CNBD1: variants seen among roughly 807,000 people sequenced by gnomAD.
CNBD1 encodes cyclic nucleotide-binding domain-containing protein 1.
A neutral mutation model predicts 54.4 loss-of-function variants in CNBD1; 71 were observed. The ratio of observed to expected loss-of-function variants is 1.30; its 90% CI spans 1.08 to 1.59. CNBD1 has a LOEUF of 1.59. Among genes scored for constraint, CNBD1 ranks in the 40% most tolerant of loss-of-function variants. The pLI, the probability that CNBD1 is intolerant of heterozygous loss-of-function variation, is 0.00. For missense variants in CNBD1, 659 were observed against 518.0 expected, an observed-to-expected ratio of 1.27 and a Z score of -2.64; for synonymous variants, 182 against 170.7, an observed-to-expected ratio of 1.07 and a Z score of -0.51.
intron 8 of CNBD1, among the ~76,000 whole-genome samples, chr8:87,297,296 T>C (rs1362673892): frequency 2.0e-5 from 3 of 151,848 alleles, no homozygotes; most frequent in Non-Finnish European, 4.4e-5. Flanking sequence ...ATATTTTGTT[T>C]TCATATTAAG....
intron 3 of CNBD1, among the ~76,000 whole-genome samples, chr8:86,936,936 A>C (rs908392079): frequency 6.6e-6 from 1 of 152,212 alleles, no homozygotes; most frequent in East Asian, 1.9e-4. Flanking sequence ...TAGAAAATTT[A>C]TATAAACTCT....
chr8:87,078,698 C>T, intron 4 of CNBD1, among the ~76,000 whole-genome samples: 1 of 151,988 alleles, frequency 6.6e-6, no homozygotes, highest in East Asian at 1.9e-4. Context: ...TTAAGAGCAT[C>T]ACAGGAAAAG....
At chr8:87,160,039 T>C (rs1182486424) in intron 4 of CNBD1, among the ~76,000 whole-genome samples, 3 of 151,982 alleles carry the variant, frequency 2.0e-5, no homozygotes, top group Non-Finnish European at 1.5e-5. Flanking sequence ...AAAATGTCAT[T>C]CCTAGATATA....
chr8:87,134,812 T>A (rs1812193923), intron 4 of CNBD1, among the ~76,000 whole-genome samples: 1 of 151,666 alleles, frequency 6.6e-6, no homozygotes, highest in Non-Finnish European at 1.5e-5. Context: ...GGTTTCACTG[T>A]GTTAGCCAGG....
At chr8:87,302,123 C>A (rs1455920474) in intron 8 of CNBD1, among the ~76,000 whole-genome samples, 1 of 152,128 alleles carries the variant, frequency 6.6e-6, no homozygotes, top group Non-Finnish European at 1.5e-5. Flanking sequence ...AGGGAATCCT[C>A]CCTAACTCAT....
At chr8:87,311,560 G>T (rs1479142411) in intron 8 of CNBD1, among the ~76,000 whole-genome samples, 2 of 151,814 alleles carry the variant, frequency 1.3e-5, no homozygotes, top group African/African-American at 2.4e-5. Flanking sequence ...AAGAAAAAAT[G>T]GAACTACTAA....
intron 4 of CNBD1, among the ~76,000 whole-genome samples, 180 bp from the exon 5 acceptor site, chr8:87,205,813 G>T (rs995055101): frequency 2.0e-5 from 3 of 151,918 alleles, no homozygotes; most frequent in Admixed American, 6.6e-5. Flanking sequence ...TCTTAATGTC[G>T]GAAGGGTAAC....
chr8:87,219,986 C>A (rs944309501), intron 5 of CNBD1, among the ~76,000 whole-genome samples: 2 of 151,748 alleles, frequency 1.3e-5, no homozygotes, highest in African/African-American at 4.8e-5. Context: ...GTTTAATTAT[C>A]ATAAATTCCT....
chr8:87,174,720 T>G (rs985369308), intron 4 of CNBD1, among the ~76,000 whole-genome samples: 2 of 152,128 alleles, frequency 1.3e-5, no homozygotes, highest in African/African-American at 4.8e-5. Context: ...TTGTCCTTAT[T>G]TGGAAGCTTT....
chr8:86,963,688 A>G (rs929292231), intron 4 of CNBD1, among the ~76,000 whole-genome samples: 1 of 152,188 alleles, frequency 6.6e-6, no homozygotes. Context: ...CTTCACGGTC[A>G]TGCTAAGAGA....
rs192206026 is a variant in CNBD1 at position 86,989,058 on chromosome 8, C to G, written c.431+49304C>G. On this transcript the variant is annotated intron_variant, in intron 4 of 10. Transcript: ENST00000518476. Reference sequence around the variant, plus strand: ...GCTAAGGTGGTTAGGATTGTTTGAACTTTGGAGTTTGAGACAAGCACAGGC... The same window carrying G: ...GCTAAGGTGGTTAGGATTGTTTGAAGTTTGGAGTTTGAGACAAGCACAGGC... Among the ~76,000 whole-genome samples, 24 of 152,146 alleles carry G rather than the reference C, an allele frequency of 1.6e-4. 1 individual carries two copies. In the East Asian group the frequency reaches 4.7e-3, roughly 29 times the overall value.
At chr8:86,974,787 A>G (rs78371960) in intron 4 of CNBD1, among the ~76,000 whole-genome samples, 3 of 152,138 alleles carry the variant, frequency 2.0e-5, no homozygotes, top group South Asian at 2.1e-4. Context: ...GAAATGTTCT[A>G]TTCTTAAGCT....
chr8:86,945,252 A>G (rs910116436), intron 4 of CNBD1, among the ~76,000 whole-genome samples: 1 of 152,198 alleles, frequency 6.6e-6, no homozygotes, highest in Admixed American at 6.5e-5. Flanking sequence ...AGATCCTCTG[A>G]GAAAACTTGG....
chr8:86,974,222 C>G (rs78403038), intron 4 of CNBD1, among the ~76,000 whole-genome samples: 4 of 151,528 alleles, frequency 2.6e-5, no homozygotes, highest in Non-Finnish European at 4.4e-5. Context: ...ATATGCCCAA[C>G]AAGTTGAAAA....
chr8:87,087,254 TATATATAC>T (rs1586246886), intron 4 of CNBD1, among the ~76,000 whole-genome samples: 1 of 141,512 alleles, frequency 7.1e-6, no homozygotes, highest in Non-Finnish European at 1.5e-5. Flanking sequence ...TACGTATATA[TATATATAC>T]ATATATATAT....
At chr8:87,278,738 T>G (rs1193843687) in intron 6 of CNBD1, among the ~76,000 whole-genome samples, 2 of 151,476 alleles carry the variant, frequency 1.3e-5, no homozygotes, top group African/African-American at 4.8e-5. Context: ...ACAAAGAAAC[T>G]TCTTGGTGAA....
At chr8:87,270,197 T>G (rs893000904) in intron 6 of CNBD1, among the ~76,000 whole-genome samples, 2 of 151,944 alleles carry the variant, frequency 1.3e-5, no homozygotes, top group African/African-American at 4.8e-5. Context: ...AAGCTTTTGA[T>G]AAAATTCAAC....
At chr8:87,205,800 G>T (rs990267475) in intron 4 of CNBD1, among the ~76,000 whole-genome samples, 193 bp from the exon 5 acceptor site, 1 of 152,044 alleles carries the variant, frequency 6.6e-6, no homozygotes, top group Admixed American at 6.6e-5. Flanking sequence ...TTGTGAAAGC[G>T]CATCTTAATG....
intron 5 of CNBD1, among the ~76,000 whole-genome samples, chr8:87,225,762 G>T (rs1057284416): frequency 1.3e-5 from 2 of 150,582 alleles, no homozygotes; most frequent in Non-Finnish European, 3.0e-5. Context: ...CATAAAATGA[G>T]TTAGGGAGGA....
Sources: allele counts gnomAD v4.1 joint callset (sites outside exome capture counted in the v4.1 genomes callset), GRCh38; gene constraint gnomAD v4.1.1; transcripts MANE v1.5; gene names NCBI Gene and HGNC (gene_info 2026-07-23, HGNC 2026-07-21).